Variants in GRM3 observed in about 807,000 individuals in gnomAD.
The protein encoded by GRM3 is glutamate metabotropic receptor 3.
A neutral mutation model predicts 70.5 loss-of-function variants in GRM3; 26 were observed. That is an observed-to-expected ratio of 0.37 (90% CI 0.27 to 0.51). The LOEUF (loss-of-function observed/expected upper bound fraction) is 0.51, where lower values mean the gene tolerates loss of function less well. Ranked by LOEUF, GRM3 falls within the 20% of genes least tolerant of loss-of-function variation. GRM3 has a pLI of 0.93. For missense variants in GRM3, 859 were observed against 1,123.8 expected (o/e 0.76, Z 3.37); for synonymous variants, 443 against 434.9 (o/e 1.02, Z -0.23).
intron 5 of GRM3, among the ~76,000 whole-genome samples, chr7:86,858,522 G>T (rs1392619709): frequency 1.3e-5 from 2 of 152,100 alleles, no homozygotes; most frequent in East Asian, 3.9e-4. Flanking sequence ...ACCATGTGAT[G>T]CCTCTCACCA....
At chr7:86,790,930 A>G (rs535717543) in intron 3 of GRM3, among the ~76,000 whole-genome samples, 5 of 151,708 alleles carry the variant, frequency 3.3e-5, no homozygotes, top group Non-Finnish European at 7.4e-5. Context: ...TTTTCACCCC[A>G]TGACATTTTC....
At chr7:86,802,040 A>G (rs1451893735) in intron 3 of GRM3, among the ~76,000 whole-genome samples, 1 of 152,222 alleles carries the variant, frequency 6.6e-6, no homozygotes, top group African/African-American at 2.4e-5. Flanking sequence ...GGAAAAGAAG[A>G]AAAAAGAAAA....
intron 2 of GRM3, among the ~76,000 whole-genome samples, chr7:86,782,299 G>A (rs556256308): frequency 6.7e-6 from 1 of 150,034 alleles, no homozygotes; most frequent in Non-Finnish European, 1.5e-5. Flanking sequence ...CATTACTGGG[G>A]ACAAACTCCA....
chr7:86,696,082 C>T (rs1401573618), intron 1 of GRM3, among the ~76,000 whole-genome samples: 1 of 152,156 alleles, frequency 6.6e-6, no homozygotes, highest in Non-Finnish European at 1.5e-5. Context: ...TAATTCCTGG[C>T]CTTCTATTGC....
intron 1 of GRM3, among the ~76,000 whole-genome samples, chr7:86,752,015 A>T (rs1360648411): frequency 2.0e-5 from 3 of 152,090 alleles, no homozygotes; most frequent in Non-Finnish European, 4.4e-5. Context: ...TTAAATTTTC[A>T]TTGAAGTGTA....
At chr7:86,705,047 AT>A (rs755428922) in intron 1 of GRM3, among the ~76,000 whole-genome samples, 8 of 151,878 alleles carry the variant, frequency 5.3e-5, no homozygotes, top group Non-Finnish European at 8.8e-5. Flanking sequence ...TTTATATAGC[AT>A]TTTTTTGAAC....
chr7:86,693,969 T>G (rs1201151375), intron 1 of GRM3, among the ~76,000 whole-genome samples: 1 of 152,224 alleles, frequency 6.6e-6, no homozygotes, highest in East Asian at 1.9e-4. Context: ...ATTTCATGTT[T>G]CATACAGGCA....
intron 3 of GRM3, among the ~76,000 whole-genome samples, chr7:86,803,000 A>G (rs1270544650): frequency 6.6e-6 from 1 of 152,200 alleles, no homozygotes; most frequent in African/African-American, 2.4e-5. Flanking sequence ...CAATAATCAC[A>G]TTTTAGCAAT....
intron 1 of GRM3, among the ~76,000 whole-genome samples, chr7:86,745,610 G>T (rs1796083578): frequency 6.6e-6 from 1 of 152,088 alleles, no homozygotes. Context: ...TTCTCATGAA[G>T]AGCTTAGGAG....
chr7:86,663,900 A>C (rs1461188320), intron 1 of GRM3, among the ~76,000 whole-genome samples: 1 of 152,012 alleles, frequency 6.6e-6, no homozygotes, highest in African/African-American at 2.4e-5. Flanking sequence ...TCATGGGAAA[A>C]ATGACAACTA....
intron 3 of GRM3, among the ~76,000 whole-genome samples, chr7:86,828,547 A>C (rs1295448064): frequency 6.6e-6 from 1 of 152,078 alleles, no homozygotes; most frequent in Non-Finnish European, 1.5e-5. Context: ...TAGTTTATTA[A>C]GTGTACAGTA....
At chr7:86,766,606 A>G (rs545100174) in intron 2 of GRM3, among the ~76,000 whole-genome samples, 1 of 152,170 alleles carries the variant, frequency 6.6e-6, no homozygotes, top group South Asian at 2.1e-4. Context: ...CCACTGGTAG[A>G]AAGTACAAGA....
chr7:86,693,714 G>A (rs1794746705), intron 1 of GRM3, among the ~76,000 whole-genome samples: 1 of 151,802 alleles, frequency 6.6e-6, no homozygotes, highest in Admixed American at 6.5e-5. Flanking sequence ...AAAAGAAAGA[G>A]TCCAAAAAGA....
At chr7:86,733,464 G>C (rs778834144) in intron 1 of GRM3, among the ~76,000 whole-genome samples, 2 of 152,196 alleles carry the variant, frequency 1.3e-5, no homozygotes, top group Middle Eastern at 3.4e-3. Flanking sequence ...AGGAGGACTG[G>C]GCATGAAGAT....
At chr7:86,733,198 C>T (rs1327233979) in intron 1 of GRM3, among the ~76,000 whole-genome samples, 1 of 151,698 alleles carries the variant, frequency 6.6e-6, no homozygotes, top group Non-Finnish European at 1.5e-5. Context: ...TCTGTGGTCC[C>T]AGCTACTTGG....
chr7:86,691,649 T>G (rs887681477), intron 1 of GRM3, among the ~76,000 whole-genome samples: 1 of 152,204 alleles, frequency 6.6e-6, no homozygotes, highest in Non-Finnish European at 1.5e-5. Flanking sequence ...AGAGCTCTTG[T>G]GAATGGATTA....
chr7:86,767,286 G>T (rs1454888779), intron 2 of GRM3, among the ~76,000 whole-genome samples: 1 of 151,428 alleles, frequency 6.6e-6, no homozygotes, highest in African/African-American at 2.4e-5. Context: ...AATTCTTTGT[G>T]GTTCTCTATG....
At chr7:86,720,599 G>A (rs550668211) in intron 1 of GRM3, among the ~76,000 whole-genome samples, 18 of 152,194 alleles carry the variant, frequency 1.2e-4, no homozygotes, top group African/African-American at 4.3e-4. Flanking sequence ...AGAGTCCAGA[G>A]CCTCCTTCTG....
At chr7:86,707,567 T>C (rs987788267) in intron 1 of GRM3, among the ~76,000 whole-genome samples, 1 of 152,068 alleles carries the variant, frequency 6.6e-6, no homozygotes, top group Admixed American at 6.6e-5. Context: ...ATGATAATAA[T>C]AGACATATAT....
Sources: allele counts gnomAD v4.1 joint callset (sites outside exome capture counted in the v4.1 genomes callset), GRCh38; gene constraint gnomAD v4.1.1; transcripts MANE v1.5; gene names NCBI Gene and HGNC (gene_info 2026-07-23, HGNC 2026-07-21).